Variants in SEMA5A observed in about 807,000 individuals in gnomAD.
The protein encoded by SEMA5A is semaphorin 5A.
Under a neutral mutation model 135.5 loss-of-function variants are expected in SEMA5A, and 55 were observed. The ratio of observed to expected loss-of-function variants is 0.41; its 90% CI spans 0.33 to 0.51. The LOEUF (loss-of-function observed/expected upper bound fraction) is 0.51. Among genes scored for constraint, SEMA5A ranks in the 20% least tolerant of loss-of-function variants. The pLI is 0.37. For missense variants in SEMA5A, 1,290 were observed against 1,419.9 expected, an observed-to-expected ratio of 0.91 and a Z score of 1.47; for synonymous variants, 580 against 546.5, an observed-to-expected ratio of 1.06 and a Z score of -0.85.
chr5:9,321,233 T>A (rs766965085), intron 4 of SEMA5A, among the ~76,000 whole-genome samples: 8 of 152,190 alleles, frequency 5.3e-5, no homozygotes, highest in Admixed American at 2.6e-4. Flanking sequence ...CCCAGCCATG[T>A]ATAACTGTGA....
rs1362831228 is a variant in SEMA5A at position 9,200,525 on chromosome 5, A to G, written c.932+1430T>C. Among the ~76,000 whole-genome samples the G allele has an allele frequency of 2.6e-5, 4 of 152,352 alleles. No homozygotes were observed. The East Asian group carries it at 7.7e-4, about 29-fold the overall frequency. ...TTTGGAAAGAAAATCAACTTCAGAA[A>G]CTGTAAATTGATTTTTTAAAGTAAC... On this transcript the variant is annotated intron_variant, in intron 9 of 22. Coordinates refer to ENST00000382496, the MANE Select transcript of SEMA5A (RefSeq NM_003966.3).
At chr5:9,064,217 C>T (rs147146187) in intron 17 of SEMA5A, among the ~76,000 whole-genome samples, 12 of 152,312 alleles carry the variant, frequency 7.9e-5, no homozygotes, top group South Asian at 4.2e-4. Context: ...ACAAATCAAG[C>T]CTCATTTTAT....
At chr5:9,212,638 G>T (rs1364884868) in intron 8 of SEMA5A, among the ~76,000 whole-genome samples, 1 of 152,118 alleles carries the variant, frequency 6.6e-6, no homozygotes, top group Non-Finnish European at 1.5e-5. Flanking sequence ...TGTTTTTGTT[G>T]CTGTTTAATT....
chr5:9,153,308 C>T (rs550982228), intron 12 of SEMA5A, among the ~76,000 whole-genome samples: 51 of 152,310 alleles, frequency 3.3e-4, no homozygotes, highest in African/African-American at 1.2e-3. Context: ...CAAGGGCGAT[C>T]TTTTGTCAGG....
At chr5:9,273,315 G>A (rs577636252) in intron 5 of SEMA5A, among the ~76,000 whole-genome samples, 1 of 152,094 alleles carries the variant, frequency 6.6e-6, no homozygotes, top group Non-Finnish European at 1.5e-5. Flanking sequence ...AATGAACAAA[G>A]CCCCCAAGAA....
At chr5:9,414,361 T>C (rs936299601) in intron 2 of SEMA5A, among the ~76,000 whole-genome samples, 2 of 152,220 alleles carry the variant, frequency 1.3e-5, no homozygotes, top group Non-Finnish European at 2.9e-5. Context: ...CTCTTCCTAC[T>C]GATGCCTATG....
intron 1 of SEMA5A, chr5:9,517,226 A>G (rs1012433778): frequency 6.6e-6 from 1 of 152,232 alleles, no homozygotes; most frequent in Non-Finnish European, 1.5e-5. Flanking sequence ...TGTGAAGCCT[A>G]TGGGGAATGC....
intron 16 of SEMA5A, among the ~76,000 whole-genome samples, chr5:9,105,024 A>G (rs1739837094): frequency 6.6e-6 from 1 of 152,234 alleles, no homozygotes; most frequent in African/African-American, 2.4e-5. Context: ...CTGGCCCTGC[A>G]CTTTGCAGAG....
At chr5:9,062,689 A>G (rs1351543414) in intron 18 of SEMA5A, among the ~76,000 whole-genome samples, 198 bp downstream of exon 18, 1 of 152,142 alleles carries the variant, frequency 6.6e-6, no homozygotes, top group Non-Finnish European at 1.5e-5. Context: ...TTGAGTTCTT[A>G]GGCTCAAGTG....
intron 8 of SEMA5A, among the ~76,000 whole-genome samples, chr5:9,203,268 C>G (rs995271897): frequency 6.6e-6 from 1 of 152,164 alleles, no homozygotes; most frequent in Non-Finnish European, 1.5e-5. Context: ...ATAATTATAG[C>G]AGTAACCTTT....
chr5:9,114,970 C>T (rs1740436372), intron 15 of SEMA5A, among the ~76,000 whole-genome samples: 1 of 152,120 alleles, frequency 6.6e-6, no homozygotes, highest in Admixed American at 6.6e-5. Flanking sequence ...CTCACAGATC[C>T]TCTCAACTGC....
At chr5:9,210,018 T>C (rs1746256396) in intron 8 of SEMA5A, among the ~76,000 whole-genome samples, 2 of 152,162 alleles carry the variant, frequency 1.3e-5, no homozygotes, top group Non-Finnish European at 2.9e-5. Context: ...GTTTTAGCAG[T>C]TCTAGTACAC....
intron 3 of SEMA5A, among the ~76,000 whole-genome samples, chr5:9,349,078 A>C (rs774626753): frequency 2.6e-5 from 4 of 152,232 alleles, no homozygotes; most frequent in Non-Finnish European, 5.9e-5. Flanking sequence ...TTAGGATTCA[A>C]GGGAAGAAGA....
intron 2 of SEMA5A, among the ~76,000 whole-genome samples, chr5:9,416,592 T>A (rs1193775567): frequency 6.6e-6 from 1 of 152,148 alleles, no homozygotes; most frequent in Non-Finnish European, 1.5e-5. Flanking sequence ...AACATGAAAG[T>A]TATAGTGTAT....
intron 8 of SEMA5A, among the ~76,000 whole-genome samples, chr5:9,212,763 T>C (rs1297083106): frequency 6.6e-6 from 1 of 152,246 alleles, no homozygotes; most frequent in Non-Finnish European, 1.5e-5. Flanking sequence ...TCCTCATCTA[T>C]GTTTCAGACA....
At chr5:9,270,713 G>C (rs7732188) in intron 5 of SEMA5A, among the ~76,000 whole-genome samples, 1 of 151,492 alleles carries the variant, frequency 6.6e-6, no homozygotes, top group African/African-American at 2.4e-5. Flanking sequence ...GTGGGGGCAG[G>C]GGGAGGAGGG....
chr5:9,467,359 G>C (rs530508560), intron 1 of SEMA5A, among the ~76,000 whole-genome samples: 1 of 152,002 alleles, frequency 6.6e-6, no homozygotes, highest in Admixed American at 6.6e-5. Flanking sequence ...TGATCCACCC[G>C]CCTCAGCCTC....
At chr5:9,303,961 C>A (rs1751738593) in intron 5 of SEMA5A, among the ~76,000 whole-genome samples, 1 of 152,070 alleles carries the variant, frequency 6.6e-6, no homozygotes, top group African/African-American at 2.4e-5. Context: ...AAAGATAGAT[C>A]ACTTGTTGAA....
intron 2 of SEMA5A, among the ~76,000 whole-genome samples, chr5:9,420,751 A>G (rs1757437184): frequency 6.6e-6 from 1 of 152,086 alleles, no homozygotes; most frequent in Admixed American, 6.6e-5. Context: ...ATGGTGGCTC[A>G]TGCCTGCGAC....
Sources: gnomAD v4.1 joint callset for allele counts (sites outside exome capture counted in the v4.1 genomes callset) on GRCh38, gnomAD v4.1.1 for gene constraint, MANE v1.5 for transcripts, NCBI Gene and HGNC (gene_info 2026-07-23, HGNC 2026-07-21) for gene names.